The following ATF6 variants were observed in gnomAD, a reference collection of about 807,000 sequenced individuals.
ATF6 encodes the protein cyclic AMP-dependent transcription factor ATF-6 alpha.
Under a neutral mutation model 83.6 loss-of-function variants are expected in ATF6, and 53 were observed. The observed-to-expected ratio is 0.63, with a 90% CI of 0.51 to 0.80. The LOEUF is 0.80. ATF6 is among the 30% of genes least tolerant of loss of function. The pLI, the probability that ATF6 is intolerant of heterozygous loss-of-function variation, is 0.00. For missense variants in ATF6, 744 were observed against 797.9 expected (o/e 0.93, Z 0.81); for synonymous variants, 288 against 285.8 (o/e 1.01, Z -0.08).
At chr1:161,957,317 G>A (rs1194343593) in intron 15 of ATF6, among the ~76,000 whole-genome samples, 3 of 152,050 alleles carry the variant, frequency 2.0e-5, no homozygotes, top group African/African-American at 4.8e-5. Flanking sequence ...GGTTGTTGCC[G>A]GCAGTTCTTC....
chr1:161,889,352 G>T (rs1431073682), intron 14 of ATF6, among the ~76,000 whole-genome samples: 2 of 152,178 alleles, frequency 1.3e-5, no homozygotes, highest in Non-Finnish European at 2.9e-5. Context: ...CCTTGAGATT[G>T]TACTGAAGTC....
At chr1:161,938,073 TTC>T (rs1203606414) in intron 15 of ATF6, among the ~76,000 whole-genome samples, 1 of 152,114 alleles carries the variant, frequency 6.6e-6, no homozygotes, top group East Asian at 1.9e-4. Flanking sequence ...CTACCCTTGC[TTC>T]CTCCTCTGCA....
At chr1:161,887,043 C>G (rs1476237422) in intron 14 of ATF6, among the ~76,000 whole-genome samples, 3 of 151,934 alleles carry the variant, frequency 2.0e-5, no homozygotes, top group Non-Finnish European at 4.4e-5. Context: ...ATATATTTGT[C>G]AACCCTAACT....
chr1:161,897,580 G>A (rs1374298061), intron 14 of ATF6, among the ~76,000 whole-genome samples: 1 of 152,168 alleles, frequency 6.6e-6, no homozygotes, highest in African/African-American at 2.4e-5. Context: ...AAGAGCTGTA[G>A]TTTTCTGTTC....
At chr1:161,830,222 T>C (rs1385113804) in intron 9 of ATF6, among the ~76,000 whole-genome samples, 2 of 152,202 alleles carry the variant, frequency 1.3e-5, no homozygotes, top group East Asian at 1.9e-4. Context: ...AATAAAATAC[T>C]TAGGAATCCA....
Position 161,846,520 on chromosome 1 carries a change from G to C in ATF6, c.1259G>C (p.Gly420Ala). The C allele has an allele frequency of 1.2e-6, 2 of 1,611,990 alleles. No individual in the cohort carries two copies. Among genetic ancestry groups the C allele is most frequent in the Non-Finnish European group, 1.7e-6 (2 of 1,178,690 alleles). Residue 420 changes from glycine to alanine, a missense_variant, in exon 10 of 16, where the codon GGA (glycine) becomes GCA (alanine). Gly to Ala is a moderately conservative substitution (Grantham distance 60). Transcript: ENST00000367942. ...GCAAATCAAAGGAGGCACCTTCTAG[G>C]ATTTTCTGCTAAAGAGGCACAGGAC... ...SPANQRRHLL[G>A]FSAKEAQDTS...
chr1:161,873,961 G>A (rs1339553642), intron 14 of ATF6, among the ~76,000 whole-genome samples: 12 of 151,654 alleles, frequency 7.9e-5, no homozygotes, highest in Non-Finnish European at 1.2e-4. Context: ...TATAGTCACC[G>A]TAATGTGATA....
chr1:161,853,150 C>T (rs2101827853), intron 11 of ATF6, 74 bp from the exon 12 acceptor site: 9 of 1,070,776 alleles, frequency 8.4e-6, no homozygotes, highest in Non-Finnish European at 9.5e-6. Flanking sequence ...GATTCATTTC[C>T]ACCCACAGGG....
intron 14 of ATF6, among the ~76,000 whole-genome samples, chr1:161,909,831 C>G (rs1004187047): frequency 5.3e-5 from 8 of 152,158 alleles, no homozygotes; most frequent in African/African-American, 1.9e-4. Context: ...TGGCGGGCGC[C>G]TGTAGTCCCA....
intron 9 of ATF6, among the ~76,000 whole-genome samples, chr1:161,843,881 T>C (rs1686414824): frequency 6.6e-6 from 1 of 152,158 alleles, no homozygotes; most frequent in Non-Finnish European, 1.5e-5. Context: ...AGCCTAAAAG[T>C]TCTTGATTGA....
chr1:161,858,073 C>T (rs995775019), intron 12 of ATF6, among the ~76,000 whole-genome samples: 4 of 152,010 alleles, frequency 2.6e-5, no homozygotes, highest in Admixed American at 2.0e-4. Context: ...CATCATTGCT[C>T]TCCTGCCTGG....
intron 7 of ATF6, among the ~76,000 whole-genome samples, chr1:161,806,330 C>T (rs761801681): frequency 6.6e-6 from 1 of 152,220 alleles, no homozygotes; most frequent in Non-Finnish European, 1.5e-5. Context: ...CTACTTCCAC[C>T]TACCCATCAT....
At position 161,958,590 on chromosome 1, in the gene ATF6, G is replaced by A. The variant is rs1558041222; in HGVS notation, c.1949G>A (p.Gly650Asp). The change falls in exon 16 of 16, where the codon GGC becomes GAC. Residue 650 changes from glycine (G) to aspartate (D), a missense_variant. Coordinates refer to ENST00000367942, the MANE Select transcript of ATF6 (RefSeq NM_007348.4). ...QQRNQTNTFF[G>D]SPPAATEATH... Reference sequence around the variant, plus strand: ...AGGAATCAAACCAACACCTTCTTTGGCTCCCCTCCCGCAGCCACAGAGGCA... The same window carrying A: ...AGGAATCAAACCAACACCTTCTTTGACTCCCCTCCCGCAGCCACAGAGGCA... 1 of 1,613,646 alleles carries A rather than the reference G, an allele frequency of 6.2e-7. No homozygotes were observed. The highest frequency in any genetic ancestry group is 8.5e-7 in the Non-Finnish European group (1 of 1,179,890).
At chr1:161,793,455 G>A (rs551106037) in intron 6 of ATF6, among the ~76,000 whole-genome samples, 44 of 152,290 alleles carry the variant, frequency 2.9e-4, no homozygotes, top group African/African-American at 1.0e-3. Context: ...ATTTATAAAT[G>A]TGTATTAAGG....
intron 14 of ATF6, among the ~76,000 whole-genome samples, chr1:161,899,115 T>C (rs534560773): frequency 7.9e-5 from 12 of 152,310 alleles, no homozygotes; most frequent in Admixed American, 7.2e-4. Flanking sequence ...CATCTACAAA[T>C]CTGATTCAGA....
chr1:161,940,727 T>G (rs936992517), intron 15 of ATF6, among the ~76,000 whole-genome samples: 18 of 151,922 alleles, frequency 1.2e-4, no homozygotes, highest in African/African-American at 4.1e-4. Context: ...CCCAGCTAAT[T>G]TTTTTTGTTT....
At chr1:161,864,208 G>A (rs1355216017) in intron 14 of ATF6, among the ~76,000 whole-genome samples, 2 of 151,902 alleles carry the variant, frequency 1.3e-5, no homozygotes, top group African/African-American at 4.8e-5. Flanking sequence ...ATGGTTAGAA[G>A]TAAGTACAGT....
At chr1:161,892,319 C>T (rs1438305556) in intron 14 of ATF6, 1 of 152,110 alleles carries the variant, frequency 6.6e-6, no homozygotes, top group African/African-American at 2.4e-5. Context: ...GAAAAGTAAG[C>T]AAAGAGTAAT....
intron 14 of ATF6, among the ~76,000 whole-genome samples, chr1:161,872,105 T>C (rs1249336635): frequency 6.6e-6 from 1 of 151,616 alleles, no homozygotes; most frequent in East Asian, 1.9e-4. Context: ...ATCTTTATAA[T>C]TGAGATAGGT....
Sources: allele counts gnomAD v4.1 joint callset (sites outside exome capture counted in the v4.1 genomes callset), GRCh38; gene constraint gnomAD v4.1.1; transcripts MANE v1.5; gene names NCBI Gene and HGNC (gene_info 2026-07-23, HGNC 2026-07-21).